The following AGBL1 variants were observed in gnomAD, a reference collection of about 807,000 sequenced individuals.
AGBL1 encodes the protein AGBL carboxypeptidase 1.
AGBL1 carries 130 observed loss-of-function variants against 118.9 expected under a neutral mutation model. That is an observed-to-expected ratio of 1.09 (90% confidence interval 0.95 to 1.26). AGBL1 has a LOEUF of 1.26. Ranked by LOEUF, AGBL1 falls within the 50% of genes most tolerant of loss-of-function variation. The pLI is 0.00. For missense variants in AGBL1, 1,584 were observed against 1,298.1 expected (o/e 1.22, Z -3.38); for synonymous variants, 555 against 478.9 (o/e 1.16, Z -2.08).
At chr15:86,723,958 G>A (rs187281707) in intron 22 of AGBL1, among the ~76,000 whole-genome samples, 91 of 152,180 alleles carry the variant, frequency 6.0e-4, no homozygotes, top group African/African-American at 2.0e-3. Flanking sequence ...TGAGTAGGCC[G>A]GGCGCAGTGG....
At chr15:86,848,480 T>G (rs916174836) in intron 22 of AGBL1, among the ~76,000 whole-genome samples, 4 of 152,218 alleles carry the variant, frequency 2.6e-5, no homozygotes, top group Admixed American at 6.5e-5. Context: ...ATTTCTGTTA[T>G]ATGGTATCAC....
At chr15:86,163,684 C>T (rs2077298168) in intron 5 of AGBL1, among the ~76,000 whole-genome samples, 1 of 151,918 alleles carries the variant, frequency 6.6e-6, no homozygotes, top group South Asian at 2.1e-4. Context: ...GCCAAGATCA[C>T]ACCACTGCAC....
At chr15:86,348,135 T>C (rs1403082773) in intron 17 of AGBL1, among the ~76,000 whole-genome samples, 1 of 152,030 alleles carries the variant, frequency 6.6e-6, no homozygotes, top group Non-Finnish European at 1.5e-5. Flanking sequence ...CTGTTGCTAG[T>C]CCACAGCATC....
At chr15:86,179,144 T>A (rs536165996) in intron 5 of AGBL1, among the ~76,000 whole-genome samples, 1 of 152,210 alleles carries the variant, frequency 6.6e-6, no homozygotes, top group Non-Finnish European at 1.5e-5. Context: ...TTCCTTATTT[T>A]GGATCTCCTA....
chr15:86,329,015 G>A (rs991522559), intron 17 of AGBL1, among the ~76,000 whole-genome samples: 1 of 152,184 alleles, frequency 6.6e-6, no homozygotes, highest in Non-Finnish European at 1.5e-5. Flanking sequence ...TGTAGACAGT[G>A]CTTCAGCAGT....
intron 6 of AGBL1, among the ~76,000 whole-genome samples, chr15:86,239,330 C>T (rs2078605164): frequency 6.6e-6 from 1 of 152,128 alleles, no homozygotes; most frequent in Non-Finnish European, 1.5e-5. Flanking sequence ...AAAAAAAGTA[C>T]CCGAAAGCTA....
intron 5 of AGBL1, among the ~76,000 whole-genome samples, chr15:86,219,939 C>T (rs977450265): frequency 5.6e-5 from 8 of 143,478 alleles, no homozygotes; most frequent in Non-Finnish European, 1.2e-4. Flanking sequence ...ATAGCTAATG[C>T]TGCCTCTTTT....
In AGBL1 at chr15:86,494,076, T is replaced by C. The variant is rs1265198642; in HGVS notation, c.2556-28734T>C. On this transcript the variant is annotated intron_variant, in intron 18 of 22. Transcript: ENST00000614907. The stretch of plus-strand genomic sequence containing the variant: ...TGACGCTCACTGACATCTCAGTCCT[T>C]GTGACGTTGGAGCATGGGGTAAGAG... Among the ~76,000 whole-genome samples, 7 of 152,200 alleles carry C rather than the reference T, an allele frequency of 4.6e-5. No homozygotes were observed. In the East Asian group the frequency reaches 1.4e-3, roughly 30 times the overall value.
chr15:86,847,857 G>T (rs1239777208), intron 22 of AGBL1, among the ~76,000 whole-genome samples: 2 of 152,132 alleles, frequency 1.3e-5, no homozygotes, highest in Admixed American at 1.3e-4. Context: ...GCTTACCGAG[G>T]CCCCTTCCAG....
intron 23 of AGBL1, among the ~76,000 whole-genome samples, chr15:86,943,015 T>C (rs1321652804): frequency 6.6e-6 from 1 of 152,230 alleles, no homozygotes. Context: ...CAACTCCTTA[T>C]TCAATGCCAC....
chr15:86,215,956 G>A (rs1233534339), intron 5 of AGBL1, among the ~76,000 whole-genome samples: 1 of 152,104 alleles, frequency 6.6e-6, no homozygotes, highest in Admixed American at 6.5e-5. Flanking sequence ...CTAGTTCTCA[G>A]TATAAAAGGA....
intron 16 of AGBL1, among the ~76,000 whole-genome samples, chr15:86,282,499 A>T (rs1006953698): frequency 2.6e-5 from 4 of 152,216 alleles, no homozygotes; most frequent in African/African-American, 7.2e-5. Context: ...TGAACAAAAC[A>T]GGGTTAGAAA....
chr15:86,126,491 A>G (rs2141595845), intron 1 of AGBL1, among the ~76,000 whole-genome samples: 1 of 152,342 alleles, frequency 6.6e-6, no homozygotes, highest in East Asian at 1.9e-4. Context: ...CAGAATATTC[A>G]TAAATAGATG....
intron 1 of AGBL1, among the ~76,000 whole-genome samples, chr15:86,092,449 C>A (rs1436443690): frequency 6.6e-6 from 1 of 152,056 alleles, no homozygotes; most frequent in Non-Finnish European, 1.5e-5. Context: ...AACCACTGAA[C>A]TTTAGATAAT....
intron 19 of AGBL1, among the ~76,000 whole-genome samples, chr15:86,541,928 G>A (rs551184065): frequency 6.6e-6 from 1 of 152,266 alleles, no homozygotes; most frequent in South Asian, 2.1e-4. Context: ...TACAAGATTT[G>A]ATAATATATA....
Position 86,998,861 on chromosome 15 carries a change from A to G in AGBL1, c.3323+10773A>G, listed in dbSNP as rs558025249. Among the ~76,000 whole-genome samples, 7 of 151,326 alleles carry G rather than the reference A, an allele frequency of 4.6e-5. No homozygotes were observed. The East Asian group carries it at 9.7e-4, about 21-fold the overall frequency. On this transcript the variant is annotated intron_variant, in intron 24 of 24. Coordinates refer to the AGBL1 transcript ENST00000441037. ...TTTTACTTTATTTTTTCTTTTATAT[A>G]TATATATATTTTTTATTATACTTTA...
At position 86,079,988 on chromosome 15, in the gene AGBL1, G is replaced by C; in HGVS notation, c.16G>C (p.Ala6Pro). Residue 6 changes from alanine (A) to proline (P), a missense_variant, in exon 1 of 23, where the codon GCT becomes CCT. Transcript: ENST00000614907. MAEQE[A>P]SGLQVLLHTL... ...CGAGAAAAGGATGGCCGAACAAGAA[G>C]CTAGTGGGCTACAGGTCCTGCTGCA... 1 of 1,232,208 alleles carries C rather than the reference G, an allele frequency of 8.1e-7. No homozygotes were observed. Among genetic ancestry groups the C allele is most frequent in the Non-Finnish European group, 1.0e-6 (1 of 988,014 alleles). The allele number at this position is 1,232,208 out of a possible 1,614,324, so 76.3% of individuals were successfully genotyped here.
At chr15:86,420,526 C>T (rs986112711) in intron 18 of AGBL1, among the ~76,000 whole-genome samples, 1 of 152,148 alleles carries the variant, frequency 6.6e-6, no homozygotes, top group African/African-American at 2.4e-5. Flanking sequence ...TCCAAAAATG[C>T]TGAAAATTCC....
chr15:86,535,096 G>A (rs541884389), intron 19 of AGBL1, among the ~76,000 whole-genome samples: 4 of 152,254 alleles, frequency 2.6e-5, no homozygotes, highest in African/African-American at 9.6e-5. Flanking sequence ...GACAAAGGGG[G>A]CTCCCTTAAA....
Sources: allele counts gnomAD v4.1 joint callset (sites outside exome capture counted in the v4.1 genomes callset), GRCh38; gene constraint gnomAD v4.1.1; transcripts MANE v1.5; gene names NCBI Gene and HGNC (gene_info 2026-07-23, HGNC 2026-07-21).